The following DNAH3 variants were observed in gnomAD, a reference collection of about 807,000 sequenced individuals.
DNAH3 encodes the protein axonemal beta dynein heavy chain 3.
Under a neutral mutation model 432.5 loss-of-function variants are expected in DNAH3, and 332 were observed. That is an observed-to-expected ratio of 0.77 (90% CI 0.70 to 0.84). The LOEUF (loss-of-function observed/expected upper bound fraction) is 0.84, where lower values mean the gene tolerates loss of function less well. DNAH3 is among the 40% of genes least tolerant of loss of function. DNAH3 has a pLI of 0.00. For synonymous variants in DNAH3, 1,956 were observed against 1,900.2 expected, an observed-to-expected ratio of 1.03 and a Z score of -0.76; for missense variants, 4,861 against 5,114.0, an observed-to-expected ratio of 0.95 and a Z score of 1.51.
In DNAH3 at chr16:21,079,396, G is replaced by A. The variant is rs57708216; in HGVS notation, c.2969+2240C>T. Among the ~76,000 whole-genome samples the A allele has an allele frequency of 5.9e-3, 897 of 152,302 alleles. 5 individuals are homozygous for A. Among genetic ancestry groups the A allele is most frequent in the Middle Eastern group, 0.041 (12 of 294 alleles). On this transcript the variant is annotated intron_variant, in intron 20 of 61. Coordinates refer to ENST00000261383, the Ensembl canonical transcript of DNAH3. ...CCCAGTACTTTGGGAGGCCAAGGCA[G>A]ATGGATCACCTGAGGTCAGGAGTTC...
chr16:21,084,037 C>A (rs550716617), intron 19 of DNAH3, among the ~76,000 whole-genome samples: 13 of 152,162 alleles, frequency 8.5e-5, no homozygotes, highest in South Asian at 4.2e-4. Context: ...CTGACCGGAC[C>A]TTTTTTGCCT....
At chr16:21,109,147 GAAAAGA>G (rs1170723593) in intron 14 of DNAH3, among the ~76,000 whole-genome samples, 5 of 150,208 alleles carry the variant, frequency 3.3e-5, no homozygotes, top group East Asian at 1.9e-4. Context: ...AAGAAAGAAA[GAAAAGA>G]AAAAGAAAAA....
intron 40 of DNAH3, among the ~76,000 whole-genome samples, chr16:21,020,387 A>AAAATCAC (rs2088123894): frequency 2.9e-5 from 1 of 34,946 alleles, no homozygotes; most frequent in Non-Finnish European, 4.9e-5. Context: ...ATATATATAT[A>AAAATCAC]TATATATATA....
At chr16:20,938,237 CA>C (rs2152565855) in intron 59 of DNAH3, among the ~76,000 whole-genome samples, 1 of 152,096 alleles carries the variant, frequency 6.6e-6, no homozygotes, top group African/African-American at 2.4e-5. Context: ...ACTAAAAATA[CA>C]AAATTAGCTG....
chr16:20,951,551 C>T (rs2084309033), intron 56 of DNAH3, among the ~76,000 whole-genome samples: 3 of 151,426 alleles, frequency 2.0e-5, no homozygotes, highest in Admixed American at 2.0e-4. Flanking sequence ...TCAAGCAATC[C>T]TCCCACCTTA....
rs890194467 is a variant in DNAH3, at chr16:21,063,479, T to TTTTTA, written c.3519-801_3519-797dup. Reference sequence around the variant, plus strand: ...CCACCTTTTATTTATTTTATTTATTTTTTTATTTTATTTTATTTTATTATT... The same window carrying TTTTTA: ...CCACCTTTTATTTATTTTATTTATTTTTTTATTTTATTTTATTTTATTTTATTATT... On this transcript the variant is annotated intron_variant, in intron 24 of 61. Coordinates refer to ENST00000261383, the Ensembl canonical transcript of DNAH3. Among the ~76,000 whole-genome samples the TTTTTA allele has an allele frequency of 4.0e-5, 6 of 150,042 alleles. No individual in the cohort carries two copies. In the East Asian group the frequency reaches 5.8e-4, roughly 15 times the overall value.
chr16:21,131,686 C>T (rs188167981), intron 7 of DNAH3, among the ~76,000 whole-genome samples: 37 of 151,552 alleles, frequency 2.4e-4, no homozygotes, highest in African/African-American at 8.9e-4. Context: ...CCTGTCTCTA[C>T]TAAAAATACA....
chr16:21,104,252 G>C, intron 16 of DNAH3: 1 of 452,660 alleles, frequency 2.2e-6, no homozygotes, highest in Non-Finnish European at 4.0e-6. Context: ...AGGCAGGAAG[G>C]GAAGACATTA....
intron 33 of DNAH3, 79 bp downstream of exon 33, chr16:21,039,773 C>T (rs1234255476): frequency 3.7e-6 from 4 of 1,078,120 alleles, no homozygotes; most frequent in African/African-American, 3.1e-5. Context: ...TTCCAATGGG[C>T]AAACCACCTT....
chr16:21,025,967 G>A (rs937783630), intron 38 of DNAH3, among the ~76,000 whole-genome samples: 2 of 152,096 alleles, frequency 1.3e-5, no homozygotes, highest in Non-Finnish European at 2.9e-5. Context: ...TCAAACTCCT[G>A]ACCTCAGGTG....
intron 40 of DNAH3, among the ~76,000 whole-genome samples, chr16:21,020,391 A>ATT (rs2088127745): frequency 3.5e-5 from 1 of 28,512 alleles, no homozygotes; most frequent in African/African-American, 1.6e-4. Context: ...ATATATATAT[A>ATT]TATATATTTT....
At chr16:21,016,686 A>C (rs375000552) in intron 41 of DNAH3, among the ~76,000 whole-genome samples, 3 of 152,204 alleles carry the variant, frequency 2.0e-5, no homozygotes, top group East Asian at 1.9e-4. Context: ...GCAGAGACTC[A>C]AAAGACAGTA....
intron 54 of DNAH3, among the ~76,000 whole-genome samples, chr16:20,957,808 CAAAAAAAAAAAAAAAAAAAAAAAAAA>C (rs762197650): frequency 2.3e-4 from 12 of 53,284 alleles, no homozygotes; most frequent in African/African-American, 4.7e-4. Context: ...ACTCCATCTC[CAAAAAAAAAAAAAAAAAAAAAAAAAA>C]AAAAAAAAAA....
At position 21,065,380 on chromosome 16, in the gene DNAH3, C is replaced by T. The variant is rs551390409; in HGVS notation, c.3518+1903G>A. On this transcript the variant is annotated intron_variant, in intron 24 of 61. Coordinates refer to ENST00000261383, the Ensembl canonical transcript of DNAH3. Reference sequence around the variant, plus strand: ...TTCATCATGTTGGCCAGGCTGGTCTCGAACTCCCAGCCTCACGTGATCTGC... The same window carrying T: ...TTCATCATGTTGGCCAGGCTGGTCTTGAACTCCCAGCCTCACGTGATCTGC... Among the ~76,000 whole-genome samples, 7 of 152,128 alleles carry T rather than the reference C, an allele frequency of 4.6e-5. No homozygotes were observed. In the South Asian group the frequency reaches 6.2e-4, roughly 14 times the overall value.
At chr16:21,060,650 G>A (rs189024140) in intron 25 of DNAH3, among the ~76,000 whole-genome samples, 40 of 146,088 alleles carry the variant, frequency 2.7e-4, no homozygotes, top group African/African-American at 6.3e-4. Context: ...TCAGCCTCCC[G>A]AGTAGCTGGG....
rs995011206 is a variant in DNAH3 at position 21,000,158 on chromosome 16, G to A, written c.6421+66C>T. 8 of 1,535,738 alleles carry A rather than the reference G, an allele frequency of 5.2e-6. No homozygotes were observed. In the African/African-American group the frequency reaches 9.5e-5, roughly 18 times the overall value. On this transcript the variant is annotated intron_variant, in intron 43 of 61. Transcript: ENST00000261383. The stretch of plus-strand genomic sequence containing the variant: ...ATGTACAGTGGCACCACAAGCAGAA[G>A]CTATAGTTTGCTGCAGCTTATGGTG...
intron 30 of DNAH3, 49 bp downstream of exon 30, chr16:21,049,861 T>G: frequency 6.7e-7 from 1 of 1,497,952 alleles, no homozygotes; most frequent in Non-Finnish European, 9.3e-7. Flanking sequence ...ACAGGAGGGG[T>G]GCAGAGAGGG....
intron 51 of DNAH3, among the ~76,000 whole-genome samples, chr16:20,973,883 G>T (rs1438170920): frequency 6.6e-6 from 1 of 152,224 alleles, no homozygotes; most frequent in Non-Finnish European, 1.5e-5. Context: ...ATTCTGTGTA[G>T]AGGGAACAGC....
At chr16:20,973,688 G>C (rs1014392287) in intron 51 of DNAH3, among the ~76,000 whole-genome samples, 5 of 152,210 alleles carry the variant, frequency 3.3e-5, no homozygotes, top group African/African-American at 1.2e-4. Context: ...CGTGAACGTA[G>C]GTCAAGCCCT....
Sources: allele counts gnomAD v4.1 joint callset (sites outside exome capture counted in the v4.1 genomes callset), GRCh38; gene constraint gnomAD v4.1.1; transcripts MANE v1.5; gene names NCBI Gene and HGNC (gene_info 2026-07-23, HGNC 2026-07-21).